The following SHC4 variants were observed in gnomAD, a reference collection of about 807,000 sequenced individuals.
SHC4 encodes the protein SHC-transforming protein 4.
Under a neutral mutation model 69.4 loss-of-function variants are expected in SHC4, and 41 were observed. The ratio of observed to expected loss-of-function variants is 0.59; its 90% CI spans 0.46 to 0.77. The LOEUF (loss-of-function observed/expected upper bound fraction) is 0.77, where lower values mean the gene tolerates loss of function less well. SHC4 is among the 30% of genes least tolerant of loss of function. SHC4 has a pLI of 0.00. For missense variants in SHC4, 777 were observed against 783.8 expected (o/e 0.99, Z 0.10); for synonymous variants, 318 against 299.3 (o/e 1.06, Z -0.64).
intron 11 of SHC4, among the ~76,000 whole-genome samples, chr15:48,827,207 C>T (rs1898705799): frequency 6.6e-6 from 1 of 152,100 alleles, no homozygotes; most frequent in South Asian, 2.1e-4. Flanking sequence ...GGAGTTCTGT[C>T]TAGATGTTGG....
chr15:48,945,435 T>C (rs1369990118), intron 1 of SHC4, among the ~76,000 whole-genome samples: 2 of 152,186 alleles, frequency 1.3e-5, no homozygotes, highest in African/African-American at 4.8e-5. Context: ...ATTATAGCAC[T>C]ATTCATAATA....
chr15:48,827,337 G>A (rs1317507373), intron 11 of SHC4, among the ~76,000 whole-genome samples: 1 of 152,158 alleles, frequency 6.6e-6, no homozygotes, highest in Non-Finnish European at 1.5e-5. Context: ...TCTGTACTAT[G>A]GCTATGGAAG....
chr15:48,824,667 A>G lies in SHC4; in HGVS notation c.*1304T>C, dbSNP rs1898652555. 6.6e-6 allele frequency: 1 copy of G among 152,216 alleles called. No homozygotes were observed. The highest frequency in any genetic ancestry group is 1.9e-4 in the East Asian group (1 of 5,194). The allele number at this position is 152,216 out of a possible 1,614,324, so 9.4% of individuals were successfully genotyped here. ...TTAACTATACAGACTGGTTATCAAT[A>G]ACGACCTCTAACAAATGAAAAACTT... On this transcript the variant is annotated 3_prime_UTR_variant, in exon 12 of 12. Coordinates refer to ENST00000332408, the MANE Select transcript of SHC4 (RefSeq NM_203349.4).
At chr15:48,836,548 C>CA (rs1898901689) in intron 10 of SHC4, among the ~76,000 whole-genome samples, 1 of 150,594 alleles carries the variant, frequency 6.6e-6, no homozygotes, top group Non-Finnish European at 1.5e-5. Flanking sequence ...GACTTTGTTT[C>CA]TTTTTTTTTG....
intron 4 of SHC4, chr15:48,876,532 C>T (rs1899803657): frequency 1.6e-6 from 1 of 629,616 alleles, no homozygotes; most frequent in Non-Finnish European, 2.9e-6. Context: ...GGGGAGTTCA[C>T]TAAGTATTAA....
In SHC4 at chr15:48,843,736, G is replaced by A. The variant is rs1899036526; in HGVS notation, c.1304-148C>T. ...ACACTTAACTTTTAGGTTTGACTTG[G>A]AAAATCAAAATAAGCACCAGTCTCT... On this transcript the variant is annotated intron_variant, in intron 9 of 11. Transcript: ENST00000332408. 3 of 740,178 alleles carry A rather than the reference G, an allele frequency of 4.1e-6. No individual in the cohort carries two copies. In the South Asian group the frequency reaches 8.9e-5, roughly 22 times the overall value. 45.9% of individuals were successfully genotyped at this position (740,178 alleles called of 1,614,324 possible).
chr15:48,904,431 C>A (rs994609077), intron 2 of SHC4, among the ~76,000 whole-genome samples: 13 of 152,098 alleles, frequency 8.5e-5, no homozygotes, highest in African/African-American at 2.9e-4. Context: ...ATAGATGAAA[C>A]CATGTTTGAT....
At position 48,962,873 on chromosome 15, in the gene SHC4, C is replaced by G. The variant is rs756849849; in HGVS notation, c.143G>C (p.Gly48Ala). The G allele has an allele frequency of 2.5e-5, 41 of 1,613,208 alleles. No individual in the cohort carries two copies. Among genetic ancestry groups the G allele is most frequent in the East Asian group, 4.5e-5 (2 of 44,868 alleles). The change falls in exon 1 of 12, where the codon GGC (glycine) becomes GCC (alanine). Residue 48 changes from glycine to alanine, a missense_variant. Transcript: ENST00000332408. ...ITSLDEGSSG[G>A]SVGNKGSPQP... Reference sequence around the variant, plus strand: ...CGGCGAGCCCTTGTTCCCGACCGAGCCTCCGGAGCTACCTTCGTCCAAGGA... The same window carrying G: ...CGGCGAGCCCTTGTTCCCGACCGAGGCTCCGGAGCTACCTTCGTCCAAGGA...
chr15:48,931,575 G>A (rs1363485583), intron 1 of SHC4, among the ~76,000 whole-genome samples: 3 of 151,348 alleles, frequency 2.0e-5, no homozygotes, highest in Admixed American at 2.0e-4. Context: ...CCCTATCATC[G>A]TCATAACTTC....
chr15:48,926,813 C>T (rs1200872050), intron 1 of SHC4, among the ~76,000 whole-genome samples: 2 of 152,238 alleles, frequency 1.3e-5, no homozygotes, highest in East Asian at 1.9e-4. Flanking sequence ...CTTGATGCAC[C>T]GAGTGCTGCC....
intron 1 of SHC4, among the ~76,000 whole-genome samples, chr15:48,950,833 A>G (rs186194812): frequency 6.6e-6 from 1 of 152,190 alleles, no homozygotes; most frequent in East Asian, 1.9e-4. Flanking sequence ...GGTTGGCGTT[A>G]ATATCCTGGA....
intron 9 of SHC4, 81 bp downstream of exon 9, chr15:48,851,107 T>C: frequency 1.4e-6 from 2 of 1,395,020 alleles, no homozygotes; most frequent in Non-Finnish European, 1.0e-6. Flanking sequence ...CAATGAAGTA[T>C]TTAAGAGCAA....
At chr15:48,861,720 T>C (rs1212990229) in intron 6 of SHC4, among the ~76,000 whole-genome samples, 1 of 152,172 alleles carries the variant, frequency 6.6e-6, no homozygotes, top group Non-Finnish European at 1.5e-5. Flanking sequence ...AGTCTGGATT[T>C]TTTTCATCCC....
intron 1 of SHC4, among the ~76,000 whole-genome samples, chr15:48,936,057 A>T (rs1275637227): frequency 1.3e-5 from 2 of 152,082 alleles, no homozygotes; most frequent in Admixed American, 1.3e-4. Flanking sequence ...TGTCTCCCCT[A>T]CTAGAAGATT....
At chr15:48,856,190 G>A in intron 7 of SHC4, 66 bp from the exon 8 acceptor site, 2 of 1,442,790 alleles carry the variant, frequency 1.4e-6, no homozygotes, top group South Asian at 2.7e-5. Flanking sequence ...GGATGCAAGG[G>A]GATCAGAACC....
Position 48,887,725 on chromosome 15 carries a change from A to C in SHC4, c.720+3023T>G, listed in dbSNP as rs1900060710. Reference sequence around the variant, plus strand: ...ATTAAACCAAAAGTTGGTTCTCCCAAAAGATCGACAAAACTGACAAACCTT... The same window carrying C: ...ATTAAACCAAAAGTTGGTTCTCCCACAAGATCGACAAAACTGACAAACCTT... On this transcript the variant is annotated intron_variant, in intron 3 of 11. Coordinates refer to ENST00000332408, the MANE Select transcript of SHC4 (RefSeq NM_203349.4). Among the ~76,000 whole-genome samples the C allele has an allele frequency of 2.0e-5, 3 of 152,216 alleles. No individual in the cohort carries two copies. The South Asian group carries it at 6.2e-4, about 31-fold the overall frequency.
In SHC4 at chr15:48,843,481, G is replaced by A; in HGVS notation, c.1411C>T (p.Leu471Phe). The A allele has an allele frequency of 1.2e-6, 2 of 1,614,166 alleles. No individual in the cohort carries two copies. Among genetic ancestry groups the A allele is most frequent in the Non-Finnish European group, 1.7e-6 (2 of 1,180,020 alleles). ...CCAGCAGAGCCAGGTGTACTTTGAA[G>A]AGCCTGTGTATTAATGTAGCAGGGG... ...DDPCYINTQA[L>F]QSTPGSAGNQ... Residue 471 changes from leucine (L) to phenylalanine (F), a missense_variant, in exon 10 of 12, where the codon CTT (leucine) becomes TTT (phenylalanine). By Grantham distance (22) the Leu-to-Phe change is conservative. Coordinates refer to ENST00000332408, the MANE Select transcript of SHC4 (RefSeq NM_203349.4).
intron 3 of SHC4, among the ~76,000 whole-genome samples, chr15:48,889,262 C>T (rs1038662521): frequency 6.6e-6 from 1 of 152,158 alleles, no homozygotes; most frequent in Admixed American, 6.5e-5. Context: ...AGAAACTAGT[C>T]AAAGGGAGTC....
chr15:48,909,289 A>AT (rs35371445), intron 2 of SHC4, among the ~76,000 whole-genome samples: 139,402 of 146,620 alleles, frequency 0.95, 66,395 homozygotes, highest in Middle Eastern at 0.98. Context: ...TATTCCTAGG[A>AT]TTTTTTTTTT....
Sources: allele counts gnomAD v4.1 joint callset (sites outside exome capture counted in the v4.1 genomes callset), GRCh38; gene constraint gnomAD v4.1.1; transcripts MANE v1.5; gene names NCBI Gene and HGNC (gene_info 2026-07-23, HGNC 2026-07-21).